The following PCDH9 variants were observed in gnomAD, a reference collection of about 807,000 sequenced individuals.
The protein encoded by PCDH9 is protocadherin 9.
A neutral mutation model predicts 70.6 loss-of-function variants in PCDH9; 24 were observed. The observed-to-expected ratio is 0.34, with a 90% CI of 0.25 to 0.48. The LOEUF (loss-of-function observed/expected upper bound fraction) is 0.48, where lower values mean the gene tolerates loss of function less well. PCDH9 is among the 20% of genes least tolerant of loss of function. The pLI, the probability that PCDH9 is intolerant of heterozygous loss-of-function variation, is 0.99. For synonymous variants in PCDH9, 562 were observed against 558.5 expected (o/e 1.01, Z -0.09); for missense variants, 1,281 against 1,503.6 (o/e 0.85, Z 2.45).
At chr13:67,096,898 T>C (rs2086331145) in intron 2 of PCDH9, among the ~76,000 whole-genome samples, 1 of 152,098 alleles carries the variant, frequency 6.6e-6, no homozygotes, top group South Asian at 2.1e-4. Context: ...AAACATCATT[T>C]TCCCGTGCTT....
chr13:67,129,424 TTG>T (rs757494072), intron 2 of PCDH9, among the ~76,000 whole-genome samples: 4 of 152,056 alleles, frequency 2.6e-5, no homozygotes, highest in Non-Finnish European at 5.9e-5. Context: ...ATGTGTATAT[TTG>T]TGTGTGTGTT....
At chr13:66,490,819 G>T (rs769322119) in intron 4 of PCDH9, among the ~76,000 whole-genome samples, 3 of 152,098 alleles carry the variant, frequency 2.0e-5, no homozygotes, top group Non-Finnish European at 2.9e-5. Context: ...CGTGTTCTAA[G>T]TAAGCCTTTT....
At chr13:67,053,319 G>A (rs1358810208) in intron 2 of PCDH9, among the ~76,000 whole-genome samples, 2 of 152,166 alleles carry the variant, frequency 1.3e-5, no homozygotes, top group Non-Finnish European at 2.9e-5. Context: ...CAGAATGGAA[G>A]AGAGAAGCAT....
chr13:66,915,986 C>T (rs1423425134), intron 2 of PCDH9, among the ~76,000 whole-genome samples: 1 of 151,496 alleles, frequency 6.6e-6, no homozygotes, highest in Non-Finnish European at 1.5e-5. Context: ...ATCTGGTAGA[C>T]TCATGGAGTA....
At chr13:66,801,796 CT>C (rs2139341304) in intron 3 of PCDH9, among the ~76,000 whole-genome samples, 1 of 152,054 alleles carries the variant, frequency 6.6e-6, no homozygotes, top group Non-Finnish European at 1.5e-5. Flanking sequence ...GGAGAGTAAT[CT>C]TGTGGCTTTT....
intron 2 of PCDH9, among the ~76,000 whole-genome samples, chr13:66,954,582 G>A (rs2083237851): frequency 6.6e-6 from 1 of 152,094 alleles, no homozygotes; most frequent in African/African-American, 2.4e-5. Flanking sequence ...AAGGATACTT[G>A]GGTTCCTTCC....
intron 2 of PCDH9, among the ~76,000 whole-genome samples, chr13:67,019,097 A>C (rs1387878351): frequency 1.3e-5 from 2 of 151,812 alleles, no homozygotes; most frequent in Non-Finnish European, 2.9e-5. Flanking sequence ...CCTCCCTCAC[A>C]AAGTTCTCAT....
intron 3 of PCDH9, among the ~76,000 whole-genome samples, chr13:66,782,459 A>G (rs1352051907): frequency 6.6e-6 from 1 of 152,114 alleles, no homozygotes; most frequent in East Asian, 1.9e-4. Context: ...CACACGATTA[A>G]TGAACATTTG....
chr13:66,327,601 G>C (rs1300346732), intron 4 of PCDH9, among the ~76,000 whole-genome samples: 1 of 152,158 alleles, frequency 6.6e-6, no homozygotes, highest in Non-Finnish European at 1.5e-5. Context: ...GTGTGGGTTA[G>C]AGCTCTAGAC....
intron 4 of PCDH9, among the ~76,000 whole-genome samples, chr13:66,534,108 G>A (rs1391546866): frequency 2.0e-5 from 3 of 152,014 alleles, no homozygotes; most frequent in Non-Finnish European, 4.4e-5. Flanking sequence ...AACTGAAAAT[G>A]CAGCTAGCCC....
chr13:67,156,849 CT>C (rs1308004325), intron 2 of PCDH9, among the ~76,000 whole-genome samples: 8 of 152,120 alleles, frequency 5.3e-5, no homozygotes, highest in African/African-American at 1.7e-4. Flanking sequence ...AGCCTGCCGT[CT>C]GTATGCTCCT....
chr13:66,790,733 G>T (rs2080151153), intron 3 of PCDH9, among the ~76,000 whole-genome samples: 1 of 151,734 alleles, frequency 6.6e-6, no homozygotes, highest in African/African-American at 2.4e-5. Context: ...TTTTTCAAGT[G>T]CCCAATCTCA....
chr13:66,778,564 G>A (rs2079938912), intron 3 of PCDH9, among the ~76,000 whole-genome samples: 1 of 152,160 alleles, frequency 6.6e-6, no homozygotes. Context: ...AAGAAAAATA[G>A]TGAAGAAGTA....
intron 4 of PCDH9, among the ~76,000 whole-genome samples, chr13:66,456,448 G>T (rs1389165865): frequency 6.6e-6 from 1 of 152,044 alleles, no homozygotes; most frequent in Non-Finnish European, 1.5e-5. Context: ...TTTTTGTAGA[G>T]ATGGGCTCTC....
chr13:66,456,369 C>T (rs566441182), intron 4 of PCDH9, among the ~76,000 whole-genome samples: 1 of 152,144 alleles, frequency 6.6e-6, no homozygotes, highest in Middle Eastern at 3.4e-3. Flanking sequence ...TCTAGGGATC[C>T]TTCTGCCTCA....
intron 4 of PCDH9, among the ~76,000 whole-genome samples, chr13:66,569,549 T>G (rs988147909): frequency 1.9e-4 from 29 of 152,182 alleles, no homozygotes; most frequent in African/African-American, 7.0e-4. Flanking sequence ...AATCACATTA[T>G]ATGCTGTTTT....
intron 4 of PCDH9, among the ~76,000 whole-genome samples, chr13:66,435,604 A>T (rs532362084): frequency 2.6e-5 from 4 of 152,302 alleles, no homozygotes; most frequent in African/African-American, 7.2e-5. Context: ...TAAGGCTTTA[A>T]TATTATACAG....
intron 2 of PCDH9, among the ~76,000 whole-genome samples, chr13:67,170,532 G>A (rs2088251813): frequency 6.6e-6 from 1 of 151,916 alleles, no homozygotes; most frequent in Non-Finnish European, 1.5e-5. Flanking sequence ...TTCTATGAAA[G>A]ACCATCCTAT....
At chr13:66,954,971 G>C (rs2083244815) in intron 2 of PCDH9, among the ~76,000 whole-genome samples, 1 of 152,064 alleles carries the variant, frequency 6.6e-6, no homozygotes, top group Non-Finnish European at 1.5e-5. Flanking sequence ...CACTGTGTTA[G>C]CCAGGATGGT....
Sources: allele counts gnomAD v4.1 joint callset (sites outside exome capture counted in the v4.1 genomes callset), GRCh38; gene constraint gnomAD v4.1.1; transcripts MANE v1.5; gene names NCBI Gene and HGNC (gene_info 2026-07-23, HGNC 2026-07-21).